The following CFAP57 variants were observed in gnomAD, a reference collection of about 807,000 sequenced individuals.
CFAP57 encodes the protein cilia- and flagella-associated protein 57.
Under a neutral mutation model 146.8 loss-of-function variants are expected in CFAP57, and 116 were observed. That is an observed-to-expected ratio of 0.79 (90% CI 0.68 to 0.92). CFAP57 has a LOEUF of 0.92. Among genes scored for constraint, CFAP57 ranks in the 40% least tolerant of loss-of-function variants. The probability of loss-of-function intolerance (pLI) is 0.00; values close to 1 mark genes in which losing one functional copy is unlikely to be tolerated. For missense variants in CFAP57, 1,377 were observed against 1,527.2 expected, an observed-to-expected ratio of 0.90 and a Z score of 1.64; for synonymous variants, 518 against 552.8, an observed-to-expected ratio of 0.94 and a Z score of 0.88.
intron 10 of CFAP57, 48 bp from the exon 11 acceptor site, chr1:43,209,695 G>A: frequency 6.4e-7 from 1 of 1,570,388 alleles, no homozygotes; most frequent in Non-Finnish European, 8.7e-7. Context: ...TGGGACGTGG[G>A]GGCCACAGCT....
At chr1:43,184,994 G>A (rs575678192) in intron 4 of CFAP57, 155 bp from the exon 5 acceptor site, 13 of 791,288 alleles carry the variant, frequency 1.6e-5, no homozygotes, top group Admixed American at 4.1e-5. Context: ...GTTTGTGTAC[G>A]GTTCCCAAGC....
intron 15 of CFAP57, 46 bp downstream of exon 15, chr1:43,222,341 C>T (rs1312822672): frequency 2.9e-6 from 4 of 1,384,078 alleles, no homozygotes; most frequent in Non-Finnish European, 3.8e-6. Context: ...CAGAGAAAAG[C>T]CACCCATTCA....
At chr1:43,189,868 T>G (rs1359885489) in intron 6 of CFAP57, among the ~76,000 whole-genome samples, 1 of 152,144 alleles carries the variant, frequency 6.6e-6, no homozygotes, top group Non-Finnish European at 1.5e-5. Context: ...TGCCACACAC[T>G]GTTAAACAAC....
chr1:43,183,710 A>G lies in CFAP57; in HGVS notation c.594A>G (p.Gln198=), dbSNP rs145731789. The change falls in exon 4 of 23, where the codon CAA becomes CAG. Residue 198 remains glutamine, a synonymous_variant. Transcript: ENST00000372492. Reference sequence around the variant, plus strand: ...CCAGCTTTCAGAGGGGAGAACCCCAAAACTATCTAGCTCACACCTGGGTGG... The same window carrying G: ...CCAGCTTTCAGAGGGGAGAACCCCAGAACTATCTAGCTCACACCTGGGTGG... ...KQTSFQRGEP[Q]NYLAHTWVAD... The G allele has an allele frequency of 1.8e-5, 29 of 1,614,250 alleles. No individual in the cohort carries two copies. The highest frequency in any genetic ancestry group is 2.5e-5 in the Non-Finnish European group (29 of 1,180,048).
chr1:43,219,457 G>C lies in CFAP57; in HGVS notation c.2167G>C (p.Asp723His), dbSNP rs1644962388. The C allele has an allele frequency of 1.3e-6, 2 of 1,550,566 alleles. No homozygotes were observed. The highest frequency in any genetic ancestry group is 1.7e-6 in the Non-Finnish European group (2 of 1,147,000). ...MENEYQLRLK[D>H]MNYSEKIKEL... ...GAATGAGTATCAACTCCGACTAAAGGACATGAACTATTCTGAGAAGATTAA... is the reference window on the plus strand; with the variant it reads ...GAATGAGTATCAACTCCGACTAAAGCACATGAACTATTCTGAGAAGATTAA... Residue 723 changes from aspartate (D) to histidine (H), a missense_variant, in exon 13 of 23, where the codon GAC becomes CAC. By Grantham distance (81) the Asp-to-His change is moderately conservative. Coordinates refer to ENST00000372492, the MANE Select transcript of CFAP57 (RefSeq NM_001378189.1).
intron 5 of CFAP57, 75 bp downstream of exon 5, chr1:43,185,431 A>T (rs1180847638): frequency 1.4e-6 from 2 of 1,394,424 alleles, no homozygotes; most frequent in Non-Finnish European, 2.0e-6. Flanking sequence ...GTTCTCTGAG[A>T]AGGCATCTGA....
chr1:43,172,605 G>A, intron 1 of CFAP57, 130 bp from the exon 2 acceptor site: 1 of 809,396 alleles, frequency 1.2e-6, no homozygotes. Flanking sequence ...GGAAAGGGGA[G>A]GGACAAGGGG....
chr1:43,246,327 C>T (rs906770112), intron 22 of CFAP57, among the ~76,000 whole-genome samples: 2 of 152,172 alleles, frequency 1.3e-5, no homozygotes, highest in African/African-American at 4.8e-5. Flanking sequence ...TAAAAACAGA[C>T]ATACAGACCA....
At chr1:43,215,923 G>C (rs1192113083) in intron 12 of CFAP57, among the ~76,000 whole-genome samples, 1 of 152,186 alleles carries the variant, frequency 6.6e-6, no homozygotes, top group Non-Finnish European at 1.5e-5. Context: ...TAGGACTAGA[G>C]TTCTAATCCA....
intron 10 of CFAP57, among the ~76,000 whole-genome samples, chr1:43,209,053 A>G (rs1403187694): frequency 6.6e-6 from 1 of 152,164 alleles, no homozygotes; most frequent in Non-Finnish European, 1.5e-5. Context: ...ATTAGGTATT[A>G]TTTATCTCTT....
At chr1:43,181,413 C>A in intron 2 of CFAP57, 121 bp from the exon 3 acceptor site, 2 of 1,191,050 alleles carry the variant, frequency 1.7e-6, no homozygotes, top group Non-Finnish European at 2.4e-6. Flanking sequence ...TATGCCAAGG[C>A]CGCCTTTCTT....
intron 2 of CFAP57, among the ~76,000 whole-genome samples, chr1:43,178,821 A>G (rs938750200): frequency 1.3e-5 from 2 of 152,216 alleles, no homozygotes; most frequent in Non-Finnish European, 2.9e-5. Context: ...TGCTGCTATA[A>G]AGACACATGC....
chr1:43,240,440 ACTGC>A (rs1254777550), intron 21 of CFAP57, among the ~76,000 whole-genome samples: 6 of 152,306 alleles, frequency 3.9e-5, no homozygotes, highest in Admixed American at 3.9e-4. Context: ...GCCTTGACTA[ACTGC>A]CTGGCCTTGA....
At chr1:43,195,008 C>T (rs1394340099) in intron 6 of CFAP57, 1 of 152,130 alleles carries the variant, frequency 6.6e-6, no homozygotes, top group Non-Finnish European at 1.5e-5. Flanking sequence ...TAAGAAGTTT[C>T]ATTACTATAT....
At chr1:43,247,078 C>A (rs1317146117) in intron 22 of CFAP57, among the ~76,000 whole-genome samples, 1 of 152,184 alleles carries the variant, frequency 6.6e-6, no homozygotes, top group Non-Finnish European at 1.5e-5. Flanking sequence ...TCAAACAGTT[C>A]CACTTTCATC....
At chr1:43,177,599 C>T (rs1645220971) in intron 2 of CFAP57, among the ~76,000 whole-genome samples, 1 of 151,962 alleles carries the variant, frequency 6.6e-6, no homozygotes, top group Non-Finnish European at 1.5e-5. Context: ...GGCAGTGGTC[C>T]CCAACCTTTC....
At chr1:43,226,702 C>T (rs975713474) in intron 17 of CFAP57, among the ~76,000 whole-genome samples, 11 of 152,292 alleles carry the variant, frequency 7.2e-5, no homozygotes, top group East Asian at 3.9e-4. Flanking sequence ...GAGTGTGGGG[C>T]GGGAGATGCT....
At chr1:43,248,411 G>A (rs572084931) in intron 22 of CFAP57, among the ~76,000 whole-genome samples, 40 of 149,462 alleles carry the variant, frequency 2.7e-4, no homozygotes, top group Non-Finnish European at 4.1e-4. Flanking sequence ...CCTGCCTCCC[G>A]GGTTGACACC....
chr1:43,202,900 G>A (rs1425437487), intron 9 of CFAP57, among the ~76,000 whole-genome samples: 1 of 152,026 alleles, frequency 6.6e-6, no homozygotes, highest in Non-Finnish European at 1.5e-5. Flanking sequence ...TAGGCTGGGC[G>A]CAGTGGCTCA....
Sources: allele counts gnomAD v4.1 joint callset (sites outside exome capture counted in the v4.1 genomes callset), GRCh38; gene constraint gnomAD v4.1.1; transcripts MANE v1.5; gene names NCBI Gene and HGNC (gene_info 2026-07-23, HGNC 2026-07-21).